The following KANK1 variants were observed in gnomAD, a reference collection of about 807,000 sequenced individuals.
The protein encoded by KANK1 is KN motif and ankyrin repeat domains 1, also known as KN motif and ankyrin repeat domain-containing protein 1.
A neutral mutation model predicts 106.2 loss-of-function variants in KANK1; 109 were observed. The ratio of observed to expected loss-of-function variants is 1.03; its 90% CI spans 0.88 to 1.20. KANK1 has a LOEUF of 1.20. Among genes scored for constraint, KANK1 ranks in the 50% most tolerant of loss-of-function variants. KANK1 has a pLI of 0.00. For synonymous variants in KANK1, 873 were observed against 652.2 expected (o/e 1.34, Z -5.16); for missense variants, 2,399 against 1,710.7 (o/e 1.40, Z -7.10).
At chr9:676,382 G>T (rs1816418547) in intron 1 of KANK1, among the ~76,000 whole-genome samples, 1 of 152,306 alleles carries the variant, frequency 6.6e-6, no homozygotes, top group South Asian at 2.1e-4. Flanking sequence ...CTTTAGAAAG[G>T]TGGTTGCATG....
chr9:543,061 T>A (rs1305518645), intron 1 of KANK1, among the ~76,000 whole-genome samples: 2 of 152,232 alleles, frequency 1.3e-5, no homozygotes, highest in African/African-American at 4.8e-5. Context: ...GAGGTGGGTA[T>A]GTTAATTAGC....
At chr9:596,562 G>T (rs1332417028) in intron 1 of KANK1, among the ~76,000 whole-genome samples, 1 of 151,680 alleles carries the variant, frequency 6.6e-6, no homozygotes, top group Admixed American at 6.6e-5. Flanking sequence ...CCTGGCAATA[G>T]CTCTTAGAGT....
intron 1 of KANK1, among the ~76,000 whole-genome samples, chr9:602,760 A>C (rs917705331): frequency 1.3e-5 from 2 of 151,886 alleles, no homozygotes; most frequent in African/African-American, 4.9e-5. Flanking sequence ...TTAGATTGAA[A>C]GCCTGTTCTC....
intron 3 of KANK1, among the ~76,000 whole-genome samples, chr9:726,531 C>T (rs7029547): frequency 0.44 from 66,157 of 151,508 alleles, 14,906 homozygotes; most frequent in African/African-American, 0.55. Flanking sequence ...CCCAGCTACT[C>T]GGGAGGCTGA....
At position 625,896 on chromosome 9, in the gene KANK1, C is replaced by T. The variant is rs117701760; in HGVS notation, c.-83-50994C>T. ...ATTTCCCGGTTTTAACCACTCCCCA[C>T]GGTCCCCAGATGATCATTTTCATCC... On this transcript the variant is annotated intron_variant, in intron 1 of 11. Transcript: ENST00000382297. Among the ~76,000 whole-genome samples the T allele has an allele frequency of 9.1e-3, 1,378 of 152,228 alleles. 10 individuals carry two copies. The highest frequency in any genetic ancestry group is 0.016 in the Non-Finnish European group (1,067 of 68,026).
intron 1 of KANK1, among the ~76,000 whole-genome samples, chr9:582,666 A>G (rs1389353688): frequency 2.0e-5 from 3 of 152,240 alleles, no homozygotes; most frequent in Admixed American, 6.5e-5. Context: ...TAAATAAAGG[A>G]GATCTCTGTA....
At chr9:688,900 G>T (rs1819197969) in intron 2 of KANK1, among the ~76,000 whole-genome samples, 1 of 152,134 alleles carries the variant, frequency 6.6e-6, no homozygotes, top group South Asian at 2.1e-4. Flanking sequence ...TAGCCCCTGG[G>T]GGTATGGCTG....
intron 3 of KANK1, among the ~76,000 whole-genome samples, chr9:494,409 G>A (rs1014824220): frequency 2.6e-5 from 4 of 152,008 alleles, no homozygotes; most frequent in South Asian, 4.1e-4. Flanking sequence ...ATTTATACTG[G>A]CGGTATAGAA....
intron 1 of KANK1, among the ~76,000 whole-genome samples, chr9:589,440 T>C (rs1824291073): frequency 6.6e-6 from 1 of 151,960 alleles, no homozygotes; most frequent in African/African-American, 2.4e-5. Context: ...CAAAAGAGGA[T>C]GCCACTGGGA....
rs544140079 is a variant in KANK1 at position 581,082 on chromosome 9, C to A, written c.-84+76328C>A. On this transcript the variant is annotated intron_variant, in intron 1 of 11. Transcript: ENST00000382297. The stretch of plus-strand genomic sequence containing the variant: ...GGGGCCCGCCGAGCCCACACCTACC[C>A]AGAACTCCTGGCCTACCCAGAACTC... Among the ~76,000 whole-genome samples the A allele has an allele frequency of 3.3e-5, 5 of 152,048 alleles. No individual in the cohort carries two copies. In the East Asian group the frequency reaches 7.7e-4, roughly 24 times the overall value.
chr9:520,572 A>G (rs1215420207), intron 1 of KANK1, among the ~76,000 whole-genome samples: 2 of 151,760 alleles, frequency 1.3e-5, no homozygotes, highest in African/African-American at 4.9e-5. Context: ...AATTGAAAAC[A>G]ATATAATCTA....
intron 1 of KANK1, among the ~76,000 whole-genome samples, chr9:676,499 G>A (rs1244807366): frequency 1.3e-5 from 2 of 152,168 alleles, no homozygotes; most frequent in South Asian, 2.1e-4. Context: ...CTTTGAAATT[G>A]CAGTTGAATA....
In KANK1 at chr9:712,674, C is replaced by T. The variant is rs79835909; in HGVS notation, c.1908C>T (p.Asp636=). 0.016 allele frequency: 26,612 copies of T among 1,614,030 alleles called. 1,705 individuals carry two copies. Among genetic ancestry groups the T allele is most frequent in the East Asian group, 0.16 (7,216 of 44,856 alleles). Residue 636 remains aspartate (D), a synonymous_variant, in exon 3 of 12, where the codon GAC becomes GAT. Coordinates refer to ENST00000382297, the MANE Select transcript of KANK1 (RefSeq NM_015158.5). ...RSIGCGDCSV[D]VTVCSPKECA... is the part of the protein sequence containing the mutation. Reference sequence around the variant, plus strand: ...TCGGTTGTGGAGATTGTTCTGTTGACGTGACCGTCTGCTCTCCAAAGGAGT... The same window carrying T: ...TCGGTTGTGGAGATTGTTCTGTTGATGTGACCGTCTGCTCTCCAAAGGAGT...
At chr9:611,158 C>A (rs143097454) in intron 1 of KANK1, among the ~76,000 whole-genome samples, 1 of 152,084 alleles carries the variant, frequency 6.6e-6, no homozygotes, top group Non-Finnish European at 1.5e-5. Flanking sequence ...GTTTTTTGGC[C>A]TTCAGAGATG....
Position 607,924 on chromosome 9 carries a change from T to C in KANK1, c.-83-68966T>C, listed in dbSNP as rs147288839. Among the ~76,000 whole-genome samples the C allele has an allele frequency of 1.4e-3, 218 of 151,418 alleles. 6 individuals are homozygous for C. Among genetic ancestry groups the C allele is most frequent in the African/African-American group, 4.7e-3 (194 of 41,016 alleles). On this transcript the variant is annotated intron_variant, in intron 1 of 11. Coordinates refer to ENST00000382297, the MANE Select transcript of KANK1 (RefSeq NM_015158.5). The stretch of plus-strand genomic sequence containing the variant: ...CTGGTTGTATTGTAATGTTCATTTT[T>C]CCTTGTGAACATCTCTCTGTGTGTG...
intron 7 of KANK1, among the ~76,000 whole-genome samples, chr9:737,371 T>A (rs2132030990): frequency 6.6e-6 from 1 of 152,376 alleles, no homozygotes; most frequent in East Asian, 1.9e-4. Flanking sequence ...GTTCTGGTGC[T>A]TCTGACATAG....
intron 10 of KANK1, 62 bp from the exon 11 acceptor site, chr9:744,429 C>G (rs1836635101): frequency 1.3e-5 from 20 of 1,557,758 alleles, no homozygotes; most frequent in Non-Finnish European, 1.7e-5. Flanking sequence ...GTTCTGTTAC[C>G]TTTCGGTTGT....
chr9:614,984 A>C (rs1831462403), intron 1 of KANK1, among the ~76,000 whole-genome samples: 1 of 151,216 alleles, frequency 6.6e-6, no homozygotes, highest in East Asian at 2.0e-4. Context: ...ACAGGGTCTC[A>C]GGCTGGAGTG....
intron 1 of KANK1, among the ~76,000 whole-genome samples, chr9:629,588 C>T (rs577888025): frequency 3.9e-5 from 6 of 152,152 alleles, no homozygotes; most frequent in African/African-American, 1.4e-4. Flanking sequence ...TATAAACATC[C>T]AAACACATCC....
Sources: allele counts gnomAD v4.1 joint callset (sites outside exome capture counted in the v4.1 genomes callset), GRCh38; gene constraint gnomAD v4.1.1; transcripts MANE v1.5; gene names NCBI Gene and HGNC (gene_info 2026-07-23, HGNC 2026-07-21).